LRFN2: variants seen among roughly 807,000 people sequenced by gnomAD.
LRFN2 encodes leucine rich repeat and fibronectin type III domain containing 2, also known as leucine-rich repeat and fibronectin type-III domain-containing protein 2.
In LRFN2, 18 loss-of-function variants were observed where a neutral mutation model predicts 37.3. That is an observed-to-expected ratio of 0.48 (90% CI 0.33 to 0.72). LRFN2 has a LOEUF of 0.72. Ranked by LOEUF, LRFN2 falls within the 30% of genes least tolerant of loss-of-function variation. The pLI is 0.02. For missense variants in LRFN2, 1,006 were observed against 1,060.7 expected (o/e 0.95, Z 0.72); for synonymous variants, 556 against 466.6 (o/e 1.19, Z -2.47).
At position 40,413,427 on chromosome 6, in the gene LRFN2, G is replaced by A. The variant is rs115115809; in HGVS notation, c.1400+18287C>T. On this transcript the variant is annotated intron_variant, in intron 2 of 2. Transcript: ENST00000338305. ...GTGGGCCAGGGAGGCAGTGGCTGCA[G>A]TAGCTCTGGGGGGATGATGACTCAT... 5.1e-3 allele frequency among the ~76,000 whole-genome samples: 775 copies of A among 152,298 alleles called. 9 individuals are homozygous for A. The highest frequency in any genetic ancestry group is 0.018 in the African/African-American group (746 of 41,572).
intron 1 of LRFN2, chr6:40,501,647 T>G (rs1765384701): frequency 6.6e-6 from 1 of 152,166 alleles, no homozygotes; most frequent in Admixed American, 6.5e-5. Context: ...ATAATCAGAT[T>G]AATATTTTAC....
At chr6:40,436,534 G>A (rs556008524) in intron 1 of LRFN2, among the ~76,000 whole-genome samples, 3 of 150,140 alleles carry the variant, frequency 2.0e-5, no homozygotes, top group South Asian at 2.1e-4. Context: ...TTCATTAAAA[G>A]CCTTGGCCAA....
intron 2 of LRFN2, among the ~76,000 whole-genome samples, chr6:40,410,941 G>T (rs1164391581): frequency 6.6e-6 from 1 of 152,212 alleles, no homozygotes; most frequent in Admixed American, 6.5e-5. Flanking sequence ...CCTCTGTCCT[G>T]CCCCAAGTCT....
intron 1 of LRFN2, among the ~76,000 whole-genome samples, chr6:40,494,180 T>C (rs9369207): frequency 0.043 from 6,505 of 152,274 alleles, 213 homozygotes; most frequent in East Asian, 0.16. Context: ...AGGACATCGG[T>C]TTCCATTCCC....
At chr6:40,563,324 C>A (rs1397769297) in intron 1 of LRFN2, among the ~76,000 whole-genome samples, 1 of 152,292 alleles carries the variant, frequency 6.6e-6, no homozygotes, top group South Asian at 2.1e-4. Flanking sequence ...AGCTGCCGGG[C>A]CAATGAGCTC....
chr6:40,547,966 G>C (rs1330979618), intron 1 of LRFN2, among the ~76,000 whole-genome samples: 1 of 152,056 alleles, frequency 6.6e-6, no homozygotes, highest in African/African-American at 2.4e-5. Context: ...TGTGTCTTCT[G>C]TTTCCTGATG....
chr6:40,574,724 GC>G (rs1767246163), intron 1 of LRFN2, among the ~76,000 whole-genome samples: 2 of 152,288 alleles, frequency 1.3e-5, no homozygotes, highest in South Asian at 4.1e-4. Flanking sequence ...AGAGAGCAGG[GC>G]CCCATTAGCA....
chr6:40,558,350 A>G (rs941644887), intron 1 of LRFN2, among the ~76,000 whole-genome samples: 1 of 152,204 alleles, frequency 6.6e-6, no homozygotes, highest in Non-Finnish European at 1.5e-5. Context: ...AACAGCCAGC[A>G]CTTCCTTCCC....
intron 1 of LRFN2, among the ~76,000 whole-genome samples, chr6:40,445,873 CT>C (rs1763957507): frequency 6.6e-6 from 1 of 152,150 alleles, no homozygotes; most frequent in African/African-American, 2.4e-5. Flanking sequence ...ATCGAATAAT[CT>C]TATAAAGTTG....
intron 1 of LRFN2, among the ~76,000 whole-genome samples, chr6:40,495,569 C>A (rs1581749345): frequency 6.6e-6 from 1 of 152,216 alleles, no homozygotes; most frequent in South Asian, 2.1e-4. Flanking sequence ...TGTCCACTCT[C>A]CTCATGGCCA....
At chr6:40,573,593 T>TA (rs1268202568) in intron 1 of LRFN2, among the ~76,000 whole-genome samples, 1 of 152,176 alleles carries the variant, frequency 6.6e-6, no homozygotes. Context: ...AACAACTGGA[T>TA]TCAAATCCTG....
chr6:40,539,864 T>C (rs1766519477), intron 1 of LRFN2, among the ~76,000 whole-genome samples: 2 of 152,194 alleles, frequency 1.3e-5, no homozygotes, highest in South Asian at 4.1e-4. Flanking sequence ...GGGTAGGTCA[T>C]CGATGTCATG....
intron 2 of LRFN2, among the ~76,000 whole-genome samples, chr6:40,420,068 C>A (rs2113813138): frequency 6.6e-6 from 1 of 152,334 alleles, no homozygotes; most frequent in East Asian, 1.9e-4. Context: ...ATATCTGGAT[C>A]AGCACTCTTA....
At chr6:40,419,143 G>T (rs1763162210) in intron 2 of LRFN2, among the ~76,000 whole-genome samples, 1 of 152,182 alleles carries the variant, frequency 6.6e-6, no homozygotes, top group Non-Finnish European at 1.5e-5. Flanking sequence ...CTTTCTGCCA[G>T]GAAAGTCAAG....
At chr6:40,457,658 A>AAAG (rs1248241764) in intron 1 of LRFN2, among the ~76,000 whole-genome samples, 1 of 149,136 alleles carries the variant, frequency 6.7e-6, no homozygotes, top group Non-Finnish European at 1.5e-5. Flanking sequence ...AAAAAAAAAA[A>AAAG]AGAGAGGGAG....
At chr6:40,577,290 C>T (rs905550715) in intron 1 of LRFN2, among the ~76,000 whole-genome samples, 14 of 151,890 alleles carry the variant, frequency 9.2e-5, no homozygotes, top group African/African-American at 1.5e-4. Flanking sequence ...TTAGTAGAGA[C>T]GGAGTTTCAC....
intron 1 of LRFN2, among the ~76,000 whole-genome samples, chr6:40,492,700 AC>A (rs1765120469): frequency 1.3e-5 from 2 of 151,952 alleles, no homozygotes. Flanking sequence ...AGCCAGGGGC[AC>A]CTCCTCTGCT....
At chr6:40,448,751 T>G (rs1430691671) in intron 1 of LRFN2, among the ~76,000 whole-genome samples, 3 of 152,222 alleles carry the variant, frequency 2.0e-5, no homozygotes, top group Non-Finnish European at 2.9e-5. Flanking sequence ...ACCATATACA[T>G]GTTTCCTGTC....
intron 1 of LRFN2, among the ~76,000 whole-genome samples, chr6:40,566,319 C>A (rs1203741251): frequency 2.0e-5 from 3 of 152,264 alleles, no homozygotes; most frequent in Non-Finnish European, 2.9e-5. Context: ...TGTGGAAGTC[C>A]GTGTGGCGAT....
Sources: gnomAD v4.1 joint callset for allele counts (sites outside exome capture counted in the v4.1 genomes callset) on GRCh38, gnomAD v4.1.1 for gene constraint, MANE v1.5 for transcripts, NCBI Gene and HGNC (gene_info 2026-07-23, HGNC 2026-07-21) for gene names.